Variants in SNX18 observed in about 807,000 individuals in gnomAD.
SNX18 encodes sorting nexin 18, also known as sorting nexin-18.
SNX18 carries 35 observed loss-of-function variants against 48.7 expected under a neutral mutation model. That is an observed-to-expected ratio of 0.72 (90% CI 0.55 to 0.95). SNX18 has a LOEUF of 0.95. Among genes scored for constraint, SNX18 ranks in the 40% least tolerant of loss-of-function variants. The pLI is 0.00. For missense variants in SNX18, 824 were observed against 871.0 expected (o/e 0.95, Z 0.68); for synonymous variants, 492 against 384.7 (o/e 1.28, Z -3.26).
At chr5:54,578,037 A>G in the SNX18 span, among the ~76,000 whole-genome samples, 1 of 152,166 alleles carries the variant, frequency 6.6e-6, no homozygotes, top group Non-Finnish European at 1.5e-5. Context: ...CCTCCTTCTC[A>G]TCTGCAATTA....
the SNX18 span, among the ~76,000 whole-genome samples, chr5:54,623,963 C>T: frequency 8.5e-5 from 13 of 152,236 alleles, no homozygotes; most frequent in Admixed American, 2.6e-4. Context: ...ACCTCAGTTA[C>T]GAGTAAGCAT....
intron 1 of SNX18, 37 bp from the exon 2 acceptor site, chr5:54,543,142 A>G (rs1288621760): frequency 6.3e-7 from 1 of 1,590,686 alleles, no homozygotes. Flanking sequence ...ATATGTGGAT[A>G]TATAGGTTTT....
the SNX18 span, among the ~76,000 whole-genome samples, chr5:54,608,850 C>T: frequency 2.6e-5 from 4 of 152,192 alleles, no homozygotes; most frequent in Non-Finnish European, 5.9e-5. Flanking sequence ...CTCTCCCTGC[C>T]CTCCAAAGTG....
chr5:54,642,060 T>C, the SNX18 span, among the ~76,000 whole-genome samples: 1 of 152,134 alleles, frequency 6.6e-6, no homozygotes, highest in African/African-American at 2.4e-5. Context: ...AGATTAGAAA[T>C]GGAGGAGGCT....
At chr5:54,539,312 C>T (rs1440875277) in intron 1 of SNX18, among the ~76,000 whole-genome samples, 1 of 152,198 alleles carries the variant, frequency 6.6e-6, no homozygotes, top group African/African-American at 2.4e-5. Flanking sequence ...GAGTAACTTC[C>T]TCAATTTCCT....
At chr5:54,566,038 G>A in the SNX18 span, among the ~76,000 whole-genome samples, 2 of 152,160 alleles carry the variant, frequency 1.3e-5, no homozygotes, top group Non-Finnish European at 2.9e-5. Context: ...TCAATCAGCT[G>A]TGTCCACGTC....
chr5:54,597,623 C>T, the SNX18 span, among the ~76,000 whole-genome samples: 6 of 152,122 alleles, frequency 3.9e-5, no homozygotes, highest in Admixed American at 2.6e-4. Flanking sequence ...ACTTTAACAG[C>T]CTGCTCCTGA....
the SNX18 span, among the ~76,000 whole-genome samples, chr5:54,623,079 T>A: frequency 6.6e-6 from 1 of 152,188 alleles, no homozygotes; most frequent in Non-Finnish European, 1.5e-5. Context: ...TTCAAACACA[T>A]GACATTATGT....
the SNX18 span, among the ~76,000 whole-genome samples, chr5:54,610,600 A>G: frequency 1.3e-5 from 2 of 152,236 alleles, no homozygotes; most frequent in African/African-American, 4.8e-5. Flanking sequence ...TGATCAGGCA[A>G]ATAACCAAAG....
At chr5:54,575,777 A>G in the SNX18 span, among the ~76,000 whole-genome samples, 9 of 152,126 alleles carry the variant, frequency 5.9e-5, no homozygotes, top group African/African-American at 2.2e-4. Flanking sequence ...CTGGAAATCA[A>G]CAAATCTGTA....
the SNX18 span, among the ~76,000 whole-genome samples, chr5:54,612,119 G>A: frequency 2.6e-5 from 4 of 152,202 alleles, no homozygotes; most frequent in East Asian, 1.9e-4. Flanking sequence ...GGGATCAAGC[G>A]ATAACTTGTT....
At chr5:54,644,753 T>C in the SNX18 span, 1 of 152,340 alleles carries the variant, frequency 6.6e-6, no homozygotes, top group East Asian at 1.9e-4. Flanking sequence ...AGCTGCTATC[T>C]TGGGACAAGG....
rs1476336222 is a variant in SNX18 at position 54,518,900 on chromosome 5, C to T, written c.948C>T (p.Phe316=). ...CGGTGCATCGGCGCTACAAGCACTT[C>T]GACTGGCTGTACGCGCGCCTGGCGG... ...QVPVHRRYKH[F]DWLYARLAEK... The change falls in exon 1 of 2, where the codon TTC becomes TTT. Residue 316 remains phenylalanine, a synonymous_variant. Transcript: ENST00000381410. 2 of 1,613,980 alleles carry T rather than the reference C, an allele frequency of 1.2e-6. No homozygotes were observed. Among genetic ancestry groups the T allele is most frequent in the African/African-American group, 1.3e-5 (1 of 75,066 alleles).
At chr5:54,547,025 G>A (rs1348375776), downstream of SNX18, among the ~76,000 whole-genome samples, 1 of 152,230 alleles carries the variant, frequency 6.6e-6, no homozygotes, top group African/African-American at 2.4e-5. Context: ...GGCAAAGCTT[G>A]CCCTCTTTGT....
chr5:54,627,092 C>T, the SNX18 span, among the ~76,000 whole-genome samples: 2 of 152,322 alleles, frequency 1.3e-5, no homozygotes, highest in Middle Eastern at 3.4e-3. Context: ...TCAGGATGAT[C>T]TGGTGTGCTA....
intron 1 of SNX18, among the ~76,000 whole-genome samples, chr5:54,521,230 A>C (rs976694509): frequency 1.3e-5 from 2 of 152,224 alleles, no homozygotes; most frequent in Non-Finnish European, 2.9e-5. Context: ...ACACTTGGAC[A>C]TGTGTGCTGG....
At chr5:54,548,910 T>C (rs1336205944), downstream of SNX18, among the ~76,000 whole-genome samples, 2 of 152,226 alleles carry the variant, frequency 1.3e-5, no homozygotes, top group African/African-American at 4.8e-5. Context: ...TAGAATGGCA[T>C]AATATTTTCA....
the SNX18 span, among the ~76,000 whole-genome samples, chr5:54,625,647 A>T: frequency 2.0e-5 from 3 of 152,202 alleles, no homozygotes; most frequent in African/African-American, 4.8e-5. Context: ...AGTCCAGCCC[A>T]TACTCAGAAG....
At chr5:54,575,522 C>T in the SNX18 span, among the ~76,000 whole-genome samples, 5 of 151,900 alleles carry the variant, frequency 3.3e-5, no homozygotes, top group Non-Finnish European at 7.4e-5. Flanking sequence ...CAGGTGCTCA[C>T]CACCACGCCT....
Sources: gnomAD v4.1 joint callset for allele counts (sites outside exome capture counted in the v4.1 genomes callset) on GRCh38, gnomAD v4.1.1 for gene constraint, MANE v1.5 for transcripts, NCBI Gene and HGNC (gene_info 2026-07-23, HGNC 2026-07-21) for gene names.